The following BOC variants were observed in gnomAD, a reference collection of about 807,000 sequenced individuals.
BOC encodes the protein BOC cell adhesion associated, oncogene regulated, also known as brother of CDO.
A neutral mutation model predicts 112.0 loss-of-function variants in BOC; 76 were observed. That is an observed-to-expected ratio of 0.68 (90% confidence interval 0.56 to 0.82). The LOEUF is 0.82. Among genes scored for constraint, BOC ranks in the 40% least tolerant of loss-of-function variants. The probability of loss-of-function intolerance (pLI) is 0.00; values close to 1 mark genes in which losing one functional copy is unlikely to be tolerated. For synonymous variants in BOC, 580 were observed against 599.8 expected, an observed-to-expected ratio of 0.97 and a Z score of 0.48; for missense variants, 1,309 against 1,511.7, an observed-to-expected ratio of 0.87 and a Z score of 2.22.
intron 4 of BOC, among the ~76,000 whole-genome samples, chr3:113,256,702 T>C (rs746889851): frequency 2.0e-5 from 3 of 152,260 alleles, no homozygotes; most frequent in Non-Finnish European, 2.9e-5. Context: ...ATTTCTAGCT[T>C]CCTTTATCTC....
At chr3:113,279,698 CT>C in intron 12 of BOC, 125 bp from the exon 13 acceptor site, 1 of 1,071,738 alleles carries the variant, frequency 9.3e-7, no homozygotes, top group South Asian at 1.6e-5. Context: ...CTTGTGAGGC[CT>C]TTGAGAACTT....
rs770538041 is a variant in BOC, at chr3:113,274,462, T to C, written c.1322T>C (p.Met441Thr). Residue 441 changes from methionine to threonine, a missense_variant, in exon 9 of 20, where the codon ATG (methionine) becomes ACG (threonine). Physicochemically the swap from Met to Thr is moderately conservative, Grantham distance 81. Transcript: ENST00000682979. This position sits in a 1 kb window ranked among gnomAD's most constrained non-coding sequence, Gnocchi z 4.8. ...SPSKLGNPEQ[M>T]LRGQPALPRP... ...TCCAAACTCGGCAACCCTGAGCAGA[T>C]GCTGAGGGGGCAACCGGCGCTCCCC... 1.2e-6 allele frequency: 2 copies of C among 1,611,102 alleles called. No individual in the cohort carries two copies. The highest frequency in any genetic ancestry group is 3.3e-4 in the Middle Eastern group (2 of 6,052).
intron 4 of BOC, among the ~76,000 whole-genome samples, chr3:113,252,820 G>T (rs970906444): frequency 6.6e-6 from 1 of 152,144 alleles, no homozygotes; most frequent in South Asian, 2.1e-4. Flanking sequence ...CTGGCCTCGG[G>T]GAGCAGCCTG....
chr3:113,278,804 A>C lies in BOC; in HGVS notation c.1816+21A>C. The C allele has an allele frequency of 6.5e-7, 1 of 1,548,250 alleles. No homozygotes were observed. Among genetic ancestry groups the C allele is most frequent in the African/African-American group, 1.4e-5 (1 of 73,066 alleles). On this transcript the variant is annotated intron_variant, in intron 11 of 19. Coordinates refer to ENST00000682979, the MANE Select transcript of BOC (RefSeq NM_001378074.1). This position sits in a 1 kb window ranked among gnomAD's most constrained non-coding sequence, Gnocchi z 4.2. ...CTCCCGTAAGCCGCTAGCAGCAGGG[A>C]CGGACGCGCAGTCAGGACTGGAACT...
At chr3:113,250,431 C>T (rs1945473349) in intron 3 of BOC, 124 bp from the exon 4 acceptor site, 7 of 1,104,710 alleles carry the variant, frequency 6.3e-6, no homozygotes, top group African/African-American at 3.1e-5. Context: ...GCAGTAGAGT[C>T]GGAGAAAGAC....
chr3:113,218,168 C>T lies in BOC; in HGVS notation c.-82+1894C>T, dbSNP rs556822158. Among the ~76,000 whole-genome samples, 10 of 152,324 alleles carry T rather than the reference C, an allele frequency of 6.6e-5. No homozygotes were observed. In the South Asian group the frequency reaches 1.7e-3, roughly 25 times the overall value. On this transcript the variant is annotated intron_variant, in intron 2 of 19. Coordinates refer to ENST00000682979, the MANE Select transcript of BOC (RefSeq NM_001378074.1). The stretch of plus-strand genomic sequence containing the variant: ...GTGAGGAAAGCGGAGCCTGTGGAAC[C>T]GGCTGGCCGTGGAGGCCTTGGAGCC...
intron 3 of BOC, among the ~76,000 whole-genome samples, chr3:113,250,120 G>A (rs1945429175): frequency 6.6e-6 from 1 of 152,234 alleles, no homozygotes; most frequent in African/African-American, 2.4e-5. Context: ...ACCGGAGGAG[G>A]AGGAGAAGTA....
At position 113,241,466 on chromosome 3, in the gene BOC, C is replaced by T. The variant is rs75954831; in HGVS notation, c.-81-8256C>T. 4.8e-3 allele frequency among the ~76,000 whole-genome samples: 728 copies of T among 152,232 alleles called. 9 individuals carry two copies. The highest frequency in any genetic ancestry group is 0.017 in the African/African-American group (695 of 41,530). ...TCCTACTTCTCACTTCTCCCCAGCCCCCAACACCACCATGGCAGTCCTCAC... is the reference window on the plus strand; with the variant it reads ...TCCTACTTCTCACTTCTCCCCAGCCTCCAACACCACCATGGCAGTCCTCAC... On this transcript the variant is annotated intron_variant, in intron 2 of 19. Coordinates refer to ENST00000682979, the MANE Select transcript of BOC (RefSeq NM_001378074.1).
chr3:113,230,977 A>G (rs554110458), intron 2 of BOC, among the ~76,000 whole-genome samples: 7 of 152,318 alleles, frequency 4.6e-5, no homozygotes, highest in Admixed American at 1.3e-4. Context: ...ACTTATCCAC[A>G]TTGTGTGAAT....
At chr3:113,222,586 C>T (rs556909303) in intron 2 of BOC, among the ~76,000 whole-genome samples, 9 of 152,280 alleles carry the variant, frequency 5.9e-5, no homozygotes, top group Non-Finnish European at 7.3e-5. Context: ...CCGGTTGCTC[C>T]GTGTCGGGGG....
intron 1 of BOC, among the ~76,000 whole-genome samples, chr3:113,214,406 A>T (rs574038916): frequency 3.6e-4 from 55 of 152,350 alleles, no homozygotes; most frequent in Non-Finnish European, 7.1e-4. Context: ...AAAGGAGAGC[A>T]AGAAGTGAGC....
intron 2 of BOC, among the ~76,000 whole-genome samples, chr3:113,231,729 A>G (rs1052124294): frequency 6.6e-6 from 1 of 152,194 alleles, no homozygotes; most frequent in Non-Finnish European, 1.5e-5. Flanking sequence ...ATATTTTAAT[A>G]TCTGGTAGGT....
chr3:113,284,835 C>A lies in BOC; in HGVS notation c.2943C>A (p.Asp981Glu), dbSNP rs368020712. Reference protein sequence around the residue: ...LRQTHLGNGYDPQSHQITRGP... With the variant: ...LRQTHLGNGYEPQSHQITRGP... ...AGACCCATCTTGGCAATGGATATGA[C>A]CCCCAAAGTCACCAGATCACGAGGT... The change falls in exon 18 of 20, where the codon GAC becomes GAA. Residue 981 changes from aspartate (D) to glutamate (E), a missense_variant. Transcript: ENST00000682979. 1 of 1,614,168 alleles carries A rather than the reference C, an allele frequency of 6.2e-7. No individual in the cohort carries two copies. Among genetic ancestry groups the A allele is most frequent in the African/African-American group, 1.3e-5 (1 of 75,044 alleles).
At chr3:113,220,263 C>T (rs1016850914) in intron 2 of BOC, among the ~76,000 whole-genome samples, 2 of 152,134 alleles carry the variant, frequency 1.3e-5, no homozygotes, top group Non-Finnish European at 2.9e-5. Context: ...AGAGTGATGG[C>T]AATTTGGCTG....
At chr3:113,221,461 C>T (rs779618285) in intron 2 of BOC, among the ~76,000 whole-genome samples, 1 of 152,176 alleles carries the variant, frequency 6.6e-6, no homozygotes, top group Non-Finnish European at 1.5e-5. Flanking sequence ...AGATAAACCC[C>T]CCATGCCTTC....
At position 113,279,985 on chromosome 3, in the gene BOC, A is replaced by G; in HGVS notation, c.2185A>G (p.Thr729Ala). The change falls in exon 13 of 20, where the codon ACC becomes GCC. Residue 729 changes from threonine to alanine, a missense_variant. Physicochemically the swap from Thr to Ala is moderately conservative, Grantham distance 58. Coordinates refer to ENST00000682979, the MANE Select transcript of BOC (RefSeq NM_001378074.1). ...CTTCACGGATGCGGTCAATGAGACC[A>G]CCATCATGCTCAAGTGGATGGTAAG... ...ITFTDAVNET[T>A]IMLKWMYIPA... 1 of 1,610,286 alleles carries G rather than the reference A, an allele frequency of 6.2e-7. No homozygotes were observed. The highest frequency in any genetic ancestry group is 1.7e-5 in the Admixed American group (1 of 59,624).
chr3:113,280,485 A>C (rs1211225763), intron 13 of BOC, 73 bp from the exon 14 acceptor site: 8 of 1,072,248 alleles, frequency 7.5e-6, no homozygotes, highest in African/African-American at 1.6e-5. Flanking sequence ...TAGAACCTTC[A>C]TACACCAGTG....
intron 6 of BOC, chr3:113,271,467 C>G (rs16860758): frequency 0.22 from 69,367 of 314,172 alleles, 9,404 homozygotes; most frequent in East Asian, 0.46. Flanking sequence ...TTTCTGTGCG[C>G]TTGCCTGGAT....
At chr3:113,236,260 GTGTGTGTA>G (rs1419160917) in intron 2 of BOC, among the ~76,000 whole-genome samples, 2,888 of 35,870 alleles carry the variant, frequency 0.081, 254 homozygotes, top group African/African-American at 0.19. Flanking sequence ...GTGTGTGTGT[GTGTGTGTA>G]TATATACCCA....
Sources: allele counts gnomAD v4.1 joint callset (sites outside exome capture counted in the v4.1 genomes callset), GRCh38; gene constraint gnomAD v4.1.1; non-coding constraint Gnocchi (gnomAD v3.1); transcripts MANE v1.5; gene names NCBI Gene and HGNC (gene_info 2026-07-23, HGNC 2026-07-21).